Variants in AGPAT3 observed in about 807,000 individuals in gnomAD.
AGPAT3 encodes 1-acyl-sn-glycerol-3-phosphate acyltransferase gamma.
In AGPAT3, 5 loss-of-function variants were observed where a neutral mutation model predicts 47.3. That is an observed-to-expected ratio of 0.11 (90% confidence interval 0.06 to 0.22). The LOEUF (loss-of-function observed/expected upper bound fraction) is 0.22. AGPAT3 is among the 10% of genes least tolerant of loss of function. The pLI is 1.00. For missense variants in AGPAT3, 315 were observed against 493.0 expected (o/e 0.64, Z 3.42); for synonymous variants, 212 against 208.3 (o/e 1.02, Z -0.15).
chr21:43,955,141 G>A lies in AGPAT3; in HGVS notation c.-48-4493G>A, dbSNP rs562261587. The A allele has an allele frequency of 1.2e-5, 15 of 1,277,146 alleles. No individual in the cohort carries two copies. Among genetic ancestry groups the A allele is most frequent in the African/African-American group, 7.6e-5 (5 of 65,632 alleles). The allele number at this position is 1,277,146 out of a possible 1,614,324, so 79.1% of individuals were successfully genotyped here. A position where few individuals can be genotyped will look rare whatever the true frequency, so the allele number is the denominator to read the frequency against. On this transcript the variant is annotated intron_variant, in intron 2 of 9. Transcript: ENST00000291572. The surrounding 1 kb of genome is among the most constrained non-coding windows in gnomAD (Gnocchi z 4.1). ...GCCGTGGGGGTCACTCAGCAGCCAC[G>A]GATGCGCCCTGGGTGCTGTCCCGGG... is the stretch of plus-strand genomic sequence containing the variant.
At chr21:43,945,164 C>T (rs992002774) in intron 2 of AGPAT3, among the ~76,000 whole-genome samples, 3 of 152,210 alleles carry the variant, frequency 2.0e-5, no homozygotes, top group African/African-American at 7.2e-5. Context: ...CACATCCAGC[C>T]AGCTCCGTTT....
At chr21:43,943,156 G>A (rs1032787536) in intron 2 of AGPAT3, among the ~76,000 whole-genome samples, 10 of 152,094 alleles carry the variant, frequency 6.6e-5, no homozygotes, top group African/African-American at 7.2e-5. Context: ...CTCACTGCAA[G>A]CTCCGTCTCC....
chr21:43,971,544 C>A, intron 7 of AGPAT3, 54 bp downstream of exon 7: 1 of 1,564,404 alleles, frequency 6.4e-7, no homozygotes, highest in Non-Finnish European at 8.8e-7. Flanking sequence ...CATGAGCTTG[C>A]GCTGGGCAGA....
chr21:43,981,793 C>T lies in AGPAT3; in HGVS notation c.1043-511C>T, dbSNP rs529381532. Among the ~76,000 whole-genome samples the T allele has an allele frequency of 5.1e-4, 77 of 152,146 alleles. No homozygotes were observed. Among genetic ancestry groups the T allele is most frequent in the Non-Finnish European group, 2.4e-4 (16 of 68,012 alleles). Reference sequence around the variant, plus strand: ...GACTCCCCAGGCCCAGCAGCTGGGCCAGCTCCTCCCCTGCTCCTGCCGCCC... The same window carrying T: ...GACTCCCCAGGCCCAGCAGCTGGGCTAGCTCCTCCCCTGCTCCTGCCGCCC... On this transcript the variant is annotated intron_variant, in intron 9 of 9. Transcript: ENST00000291572. The surrounding 1 kb of genome is among the most constrained non-coding windows in gnomAD (Gnocchi z 5.3).
At chr21:43,975,432 G>T (rs1601473652) in intron 7 of AGPAT3, among the ~76,000 whole-genome samples, 1 of 152,320 alleles carries the variant, frequency 6.6e-6, no homozygotes, top group African/African-American at 2.4e-5. Context: ...ACGCATGCTG[G>T]CGTGTGCTTG....
intron 1 of AGPAT3, among the ~76,000 whole-genome samples, chr21:43,879,705 C>T (rs1026651140): frequency 1.3e-4 from 20 of 152,094 alleles, no homozygotes; most frequent in East Asian, 1.9e-4. Context: ...GCGCTGTGTG[C>T]GTGTCAGGGC....
At chr21:43,895,159 C>T (rs1282785648) in intron 1 of AGPAT3, among the ~76,000 whole-genome samples, 1 of 151,392 alleles carries the variant, frequency 6.6e-6, no homozygotes, top group East Asian at 1.9e-4. Flanking sequence ...GTCTGGAGTG[C>T]AGTGGTGCGA....
At chr21:43,870,566 C>A (rs1337790214) in intron 1 of AGPAT3, among the ~76,000 whole-genome samples, 3 of 150,408 alleles carry the variant, frequency 2.0e-5, no homozygotes, top group Non-Finnish European at 4.4e-5. Flanking sequence ...AAAAAAAAAA[C>A]CCAAAAATTA....
intron 2 of AGPAT3, among the ~76,000 whole-genome samples, chr21:43,917,821 TGTGGGGGTTGTGGGTGTTG>T (rs2146146419): frequency 2.0e-5 from 2 of 99,150 alleles, no homozygotes; most frequent in South Asian, 8.0e-4. Flanking sequence ...TTGTGGGTGT[TGTGGGGGTTGTGGGTGTTG>T]TGTTGTGGGT....
chr21:43,921,811 G>A (rs1052251316), intron 2 of AGPAT3, among the ~76,000 whole-genome samples: 3 of 151,780 alleles, frequency 2.0e-5, no homozygotes, highest in Admixed American at 6.6e-5. Flanking sequence ...TTCCCCCAGG[G>A]ATAAAGCGTT....
In AGPAT3 at chr21:43,939,789, C is replaced by T. The variant is rs1030621918; in HGVS notation, c.-48-19845C>T. ...GGTGCTGTGAGGAGGAAGATGTGGG[C>T]ACTCTTAGGTCCCTGGTCCTAGGGG... is the stretch of plus-strand genomic sequence containing the variant. On this transcript the variant is annotated intron_variant, in intron 2 of 9. Transcript: ENST00000291572. The surrounding 1 kb of genome is among the most constrained non-coding windows in gnomAD (Gnocchi z 4.4). 6.6e-6 allele frequency among the ~76,000 whole-genome samples: 1 copy of T among 152,206 alleles called. No individual in the cohort carries two copies. Among genetic ancestry groups the T allele is most frequent in the African/African-American group, 2.4e-5 (1 of 41,440 alleles).
rs903068193 is a variant in AGPAT3 at position 43,951,204 on chromosome 21, C to T, written c.-48-8430C>T. On this transcript the variant is annotated intron_variant, in intron 2 of 9. Coordinates refer to ENST00000291572, the MANE Select transcript of AGPAT3 (RefSeq NM_020132.5). ...CCCACTACACCAGAGCCCTTGGGTG[C>T]GGGGTGGGCGGGACAGAGAAGAGGA... Among the ~76,000 whole-genome samples, 10 of 152,138 alleles carry T rather than the reference C, an allele frequency of 6.6e-5. No homozygotes were observed. In the East Asian group the frequency reaches 1.4e-3, roughly 21 times the overall value.
At chr21:43,962,940 A>G (rs2088946726) in intron 3 of AGPAT3, among the ~76,000 whole-genome samples, 1 of 149,760 alleles carries the variant, frequency 6.7e-6, no homozygotes, top group Non-Finnish European at 1.5e-5. Context: ...AACTGCTCTC[A>G]GTGAGAACTG....
Position 43,900,054 on chromosome 21 carries a change from T to C in AGPAT3, c.-111-3903T>C, listed in dbSNP as rs141303591. Among the ~76,000 whole-genome samples, 555 of 152,148 alleles carry C rather than the reference T, an allele frequency of 3.6e-3. 4 individuals carry two copies. Among genetic ancestry groups the C allele is most frequent in the African/African-American group, 0.013 (528 of 41,482 alleles). On this transcript the variant is annotated intron_variant, in intron 1 of 9. Transcript: ENST00000291572. ...TCTGACATAGAAAATGTACTTTGAGTGAGATGTCTTCATGGAGAGTAAATG... is the reference window on the plus strand; with the variant it reads ...TCTGACATAGAAAATGTACTTTGAGCGAGATGTCTTCATGGAGAGTAAATG...
In AGPAT3 at chr21:43,879,347, C is replaced by CA. The variant is rs34630760; in HGVS notation, c.-112+14028dup. ...CCTACAACAGAGTGAGACTCTATCT[C>CA]AAAAAAAAAAAAAAAAAAAAAAAAA... is the stretch of plus-strand genomic sequence containing the variant. On this transcript the variant is annotated intron_variant, in intron 1 of 9. Coordinates refer to ENST00000291572, the MANE Select transcript of AGPAT3 (RefSeq NM_020132.5). Among the ~76,000 whole-genome samples the CA allele has an allele frequency of 5.0e-3, 355 of 71,592 alleles. 7 individuals are homozygous for CA. The highest frequency in any genetic ancestry group is 0.024 in the East Asian group (43 of 1,812). The allele number at this position is 71,592 out of a possible 152,430, so 47.0% of individuals were successfully genotyped here.
intron 2 of AGPAT3, among the ~76,000 whole-genome samples, chr21:43,950,095 G>A (rs952096016): frequency 3.3e-5 from 5 of 152,248 alleles, no homozygotes; most frequent in Non-Finnish European, 7.3e-5. Flanking sequence ...ATGACCATGT[G>A]GGACAGAGCT....
At chr21:43,897,645 C>T (rs1022135099) in intron 1 of AGPAT3, among the ~76,000 whole-genome samples, 12 of 149,648 alleles carry the variant, frequency 8.0e-5, no homozygotes, top group South Asian at 2.2e-4. Flanking sequence ...CAGAGGCGCT[C>T]CTCACATCCC....
intron 1 of AGPAT3, chr21:43,867,750 A>G (rs1470412659): frequency 6.6e-6 from 1 of 152,120 alleles, no homozygotes; most frequent in Non-Finnish European, 1.5e-5. Flanking sequence ...TTTCCTTTTT[A>G]ATGACTTGTT....
chr21:43,971,626 G>A, intron 7 of AGPAT3, 136 bp downstream of exon 7: 1 of 768,222 alleles, frequency 1.3e-6, no homozygotes, highest in African/African-American at 1.7e-5. Flanking sequence ...CGGAAGGCCT[G>A]TCTGCAGCCC....
Sources: allele counts gnomAD v4.1 joint callset (sites outside exome capture counted in the v4.1 genomes callset), GRCh38; gene constraint gnomAD v4.1.1; non-coding constraint Gnocchi (gnomAD v3.1); transcripts MANE v1.5; gene names NCBI Gene and HGNC (gene_info 2026-07-23, HGNC 2026-07-21).